AGMO: variants seen among roughly 807,000 people sequenced by gnomAD.
AGMO encodes the protein glyceryl-ether monooxygenase.
A neutral mutation model predicts 60.2 loss-of-function variants in AGMO; 75 were observed. That is an observed-to-expected ratio of 1.25 (90% CI 1.03 to 1.51). The LOEUF (loss-of-function observed/expected upper bound fraction) is 1.51. Among genes scored for constraint, AGMO ranks in the 40% most tolerant of loss-of-function variants. AGMO has a pLI of 0.00. For synonymous variants in AGMO, 261 were observed against 177.1 expected (o/e 1.47, Z -3.76); for missense variants, 763 against 525.5 (o/e 1.45, Z -4.42).
At chr7:15,341,613 C>T (rs1456535150) in intron 12 of AGMO, among the ~76,000 whole-genome samples, 1 of 152,156 alleles carries the variant, frequency 6.6e-6, no homozygotes, top group Non-Finnish European at 1.5e-5. Flanking sequence ...AAGGTCCTTC[C>T]ACATTTTCAG....
intron 12 of AGMO, among the ~76,000 whole-genome samples, chr7:15,315,576 T>C (rs183195477): frequency 5.9e-5 from 9 of 152,176 alleles, no homozygotes; most frequent in Admixed American, 2.6e-4. Context: ...GACCTTGTGA[T>C]CTGCCCACCT....
intron 3 of AGMO, among the ~76,000 whole-genome samples, chr7:15,455,054 C>T (rs73288485): frequency 0.023 from 3,398 of 148,594 alleles, 122 homozygotes; most frequent in African/African-American, 0.078. Context: ...CTCTTTAATG[C>T]TTGCATTTTC....
At chr7:15,358,326 T>G (rs570063125) in intron 12 of AGMO, 1 of 440,384 alleles carries the variant, frequency 2.3e-6, no homozygotes. Context: ...AGGCAGCAAA[T>G]TGTTAACCTT....
At chr7:15,361,546 A>AAAAAAAAAAAAGAAAAAAAAG (rs60239009) in intron 12 of AGMO, among the ~76,000 whole-genome samples, 23 of 91,428 alleles carry the variant, frequency 2.5e-4, no homozygotes, top group African/African-American at 6.9e-4. Flanking sequence ...TCTCAAAAAA[A>AAAAAAAAAAAAGAAAAAAAAG]AAAAAAAAGG....
intron 3 of AGMO, among the ~76,000 whole-genome samples, chr7:15,434,601 G>A (rs1400836950): frequency 6.6e-6 from 1 of 152,098 alleles, no homozygotes; most frequent in Non-Finnish European, 1.5e-5. Context: ...ATGAAGAACT[G>A]AATTCTGCCA....
intron 10 of AGMO, among the ~76,000 whole-genome samples, chr7:15,380,371 C>T (rs1336596127): frequency 6.6e-6 from 1 of 152,090 alleles, no homozygotes; most frequent in Non-Finnish European, 1.5e-5. Context: ...CAATGACAGT[C>T]AAACTGAGAG....
chr7:15,334,140 C>T (rs184087460), intron 12 of AGMO, among the ~76,000 whole-genome samples: 34 of 152,002 alleles, frequency 2.2e-4, no homozygotes, highest in Admixed American at 2.0e-3. Context: ...ATAACAAAGG[C>T]TTTAAAAGTC....
chr7:15,293,985 G>T (rs982829445), intron 12 of AGMO, among the ~76,000 whole-genome samples: 1 of 152,064 alleles, frequency 6.6e-6, no homozygotes, highest in Non-Finnish European at 1.5e-5. Flanking sequence ...TTTAAGAAAG[G>T]AGAGTTTATA....
chr7:15,275,601 A>AT (rs1783758991), intron 12 of AGMO, among the ~76,000 whole-genome samples: 1 of 151,780 alleles, frequency 6.6e-6, no homozygotes, highest in Admixed American at 6.6e-5. Flanking sequence ...AATTTCTTTG[A>AT]TTTTCTGTCT....
At chr7:15,547,984 G>A (rs1176478050) in intron 2 of AGMO, among the ~76,000 whole-genome samples, 6 of 146,918 alleles carry the variant, frequency 4.1e-5, no homozygotes, top group South Asian at 2.1e-4. Flanking sequence ...CAGGCAGACT[G>A]CCTCCTCAAG....
chr7:15,383,919 T>A (rs1192184008), intron 10 of AGMO, among the ~76,000 whole-genome samples: 1 of 152,080 alleles, frequency 6.6e-6, no homozygotes, highest in Non-Finnish European at 1.5e-5. Flanking sequence ...AATGGATGAT[T>A]AATTTAGTCC....
rs1364427692 is a variant in AGMO at position 15,322,571 on chromosome 7, TATAAATATATATAA to T, written c.1263+42929_1263+42942del. On this transcript the variant is annotated intron_variant, in intron 12 of 12. Coordinates refer to ENST00000342526, the MANE Select transcript of AGMO (RefSeq NM_001004320.2). ...AAATATATATAAATATATAAATATA[TATAAATATATATAA>T]ATATATAAATATATATAAATATATA... Among the ~76,000 whole-genome samples, 230 of 49,364 alleles carry T rather than the reference TATAAATATATATAA, an allele frequency of 4.7e-3. 17 individuals carry two copies. Among genetic ancestry groups the T allele is most frequent in the African/African-American group, 0.022 (216 of 10,002 alleles). The allele number at this position is 49,364 out of a possible 152,430, so 32.4% of individuals were successfully genotyped here.
intron 2 of AGMO, among the ~76,000 whole-genome samples, chr7:15,556,518 G>C (rs2115308798): frequency 6.6e-6 from 1 of 152,048 alleles, no homozygotes; most frequent in African/African-American, 2.4e-5. Context: ...TTTATATCAG[G>C]AATAAAACTT....
chr7:15,274,694 G>T (rs1250573397), intron 12 of AGMO, among the ~76,000 whole-genome samples: 2 of 143,460 alleles, frequency 1.4e-5, no homozygotes, highest in African/African-American at 2.6e-5. Context: ...CTGGTGATGG[G>T]CTTTTTTTTT....
intron 12 of AGMO, among the ~76,000 whole-genome samples, chr7:15,210,914 A>T (rs568875036): frequency 5.3e-5 from 8 of 152,246 alleles, no homozygotes; most frequent in African/African-American, 1.7e-4. Context: ...AGCTTTGGAT[A>T]AAGTGATACT....
At chr7:15,222,668 T>G (rs1032533080) in intron 12 of AGMO, among the ~76,000 whole-genome samples, 4 of 152,038 alleles carry the variant, frequency 2.6e-5, no homozygotes, top group Admixed American at 6.6e-5. Context: ...ATTTTCAAAC[T>G]TACAGAAAAA....
chr7:15,194,316 G>GCTA, the AGMO span, among the ~76,000 whole-genome samples: 3 of 151,960 alleles, frequency 2.0e-5, no homozygotes, highest in African/African-American at 7.3e-5. Context: ...CACATGAATA[G>GCTA]CTACTGCTTT....
chr7:15,309,158 C>T (rs778922918), intron 12 of AGMO, among the ~76,000 whole-genome samples: 1 of 152,094 alleles, frequency 6.6e-6, no homozygotes, highest in East Asian at 1.9e-4. Flanking sequence ...TATAGGAAGA[C>T]AAGCCCTGCT....
At chr7:15,293,127 A>G (rs1784321035) in intron 12 of AGMO, among the ~76,000 whole-genome samples, 1 of 152,090 alleles carries the variant, frequency 6.6e-6, no homozygotes, top group East Asian at 1.9e-4. Context: ...TATTCATTCT[A>G]TGAGCCAGGT....
Sources: allele counts gnomAD v4.1 joint callset (sites outside exome capture counted in the v4.1 genomes callset), GRCh38; gene constraint gnomAD v4.1.1; transcripts MANE v1.5; gene names NCBI Gene and HGNC (gene_info 2026-07-23, HGNC 2026-07-21).